SH3PXD2A: variants seen among roughly 807,000 people sequenced by gnomAD.
SH3PXD2A encodes SH3 and PX domains 2A, also known as SH3 and PX domain-containing protein 2A.
In SH3PXD2A, 32 loss-of-function variants were observed where a neutral mutation model predicts 115.2. The ratio of observed to expected loss-of-function variants is 0.28; its 90% CI spans 0.21 to 0.37. The LOEUF is 0.37. Ranked by LOEUF, SH3PXD2A falls within the 10% of genes least tolerant of loss-of-function variation. SH3PXD2A has a pLI of 1.00. For synonymous variants in SH3PXD2A, 610 were observed against 629.1 expected (o/e 0.97, Z 0.45); for missense variants, 1,328 against 1,498.7 (o/e 0.89, Z 1.88).
chr10:103,686,746 T>TTA (rs33981491), intron 6 of SH3PXD2A, among the ~76,000 whole-genome samples: 332 of 26,878 alleles, frequency 0.012, no homozygotes, highest in Non-Finnish European at 0.027. Context: ...TGCTGGGGAA[T>TTA]TTTTTTTTTT....
In SH3PXD2A at chr10:103,805,804, G is replaced by C. The variant is rs535561506; in HGVS notation, c.73-4442C>G. ...TTTGGGAAGCCAAGGCAGGAGGATC[G>C]CTTGAGCCCAGGAGTTTGAGACTGG... On this transcript the variant is annotated intron_variant, in intron 1 of 14. Coordinates refer to ENST00000369774, the MANE Select transcript of SH3PXD2A (RefSeq NM_001394015.1). Among the ~76,000 whole-genome samples the C allele has an allele frequency of 8.2e-4, 125 of 152,052 alleles. 1 individual carries two copies. Among genetic ancestry groups the C allele is most frequent in the African/African-American group, 3.0e-3 (124 of 41,490 alleles).
intron 5 of SH3PXD2A, among the ~76,000 whole-genome samples, chr10:103,719,361 T>TTGGCCC (rs1322671324): frequency 6.6e-6 from 1 of 152,252 alleles, no homozygotes; most frequent in Non-Finnish European, 1.5e-5. Context: ...GGCTTGGATC[T>TTGGCCC]TGGCCCTGCA....
chr10:103,834,018 C>A (rs926126692), intron 1 of SH3PXD2A, among the ~76,000 whole-genome samples: 14 of 152,212 alleles, frequency 9.2e-5, no homozygotes, highest in African/African-American at 2.9e-4. Context: ...ACCCCTCCCC[C>A]ACGTCTCTAA....
chr10:103,669,666 G>C (rs1335918270), intron 6 of SH3PXD2A, among the ~76,000 whole-genome samples: 1 of 152,226 alleles, frequency 6.6e-6, no homozygotes, highest in African/African-American at 2.4e-5. Flanking sequence ...GGCATCCCCA[G>C]GCTGCTGCTT....
rs1222059679 is a variant in SH3PXD2A, at chr10:103,597,397, G to A, written c.*4419C>T. ...AATATCAGGACACTGGGGTGAGAGA[G>A]GGCTGCTGGGAGTCATTTTTAGGCC... On this transcript the variant is annotated 3_prime_UTR_variant, in exon 15 of 15. Transcript: ENST00000369774. The A allele has an allele frequency of 6.6e-6, 1 of 152,272 alleles. No individual in the cohort carries two copies. The highest frequency in any genetic ancestry group is 1.5e-5 in the Non-Finnish European group (1 of 68,060). 9.4% of individuals were successfully genotyped at this position (152,272 alleles called of 1,614,324 possible).
At chr10:103,728,520 T>A (rs1039170816) in intron 4 of SH3PXD2A, among the ~76,000 whole-genome samples, 2 of 152,190 alleles carry the variant, frequency 1.3e-5, no homozygotes, top group Non-Finnish European at 2.9e-5. Context: ...TCTTCCAAGA[T>A]AAAATGGAAT....
intron 8 of SH3PXD2A, among the ~76,000 whole-genome samples, chr10:103,632,347 C>G (rs1261188542): frequency 6.6e-6 from 1 of 152,196 alleles, no homozygotes; most frequent in African/African-American, 2.4e-5. Context: ...TGAGCCACAT[C>G]CAGGGGTTCA....
chr10:103,698,002 G>GC (rs1318610412), intron 5 of SH3PXD2A, among the ~76,000 whole-genome samples: 4 of 152,238 alleles, frequency 2.6e-5, no homozygotes, highest in Middle Eastern at 3.4e-3. Flanking sequence ...TCAGTGGCTG[G>GC]CCCAGGCTCC....
intron 1 of SH3PXD2A, among the ~76,000 whole-genome samples, chr10:103,835,296 A>G (rs550617293): frequency 3.3e-5 from 5 of 152,340 alleles, no homozygotes; most frequent in Admixed American, 6.5e-5. Context: ...GTGAGCTCGC[A>G]GGGGTGGGAG....
intron 6 of SH3PXD2A, among the ~76,000 whole-genome samples, chr10:103,677,733 C>G (rs185542971): frequency 4.6e-4 from 70 of 152,286 alleles, no homozygotes; most frequent in Non-Finnish European, 7.1e-4. Flanking sequence ...ACCTTTAGTT[C>G]CTTCAAGGCC....
intron 2 of SH3PXD2A, among the ~76,000 whole-genome samples, chr10:103,794,218 G>A (rs907010832): frequency 6.6e-6 from 1 of 152,162 alleles, no homozygotes; most frequent in Non-Finnish European, 1.5e-5. Context: ...GATGAATAAG[G>A]AATAGAGAGA....
chr10:103,620,408 A>C lies in SH3PXD2A; in HGVS notation c.802+2062T>G, dbSNP rs1167214530. On this transcript the variant is annotated intron_variant, in intron 10 of 14. Coordinates refer to ENST00000369774, the MANE Select transcript of SH3PXD2A (RefSeq NM_001394015.1). The surrounding 1 kb of genome is among the most constrained non-coding windows in gnomAD (Gnocchi z 5.3). Reference sequence around the variant, plus strand: ...AAACCACAGAAGCCTCCTCTTCCCCAACACTTTCCCCTCTGTCAGCAGTCT... The same window carrying C: ...AAACCACAGAAGCCTCCTCTTCCCCCACACTTTCCCCTCTGTCAGCAGTCT... Among the ~76,000 whole-genome samples the C allele has an allele frequency of 1.3e-5, 2 of 152,066 alleles. No individual in the cohort carries two copies. Among genetic ancestry groups the C allele is most frequent in the Non-Finnish European group, 2.9e-5 (2 of 68,004 alleles).
At chr10:103,711,027 A>C (rs1386875046) in intron 5 of SH3PXD2A, among the ~76,000 whole-genome samples, 1 of 152,022 alleles carries the variant, frequency 6.6e-6, no homozygotes, top group Non-Finnish European at 1.5e-5. Context: ...AGAGACAGAG[A>C]CCTTGTCTCT....
At chr10:103,753,625 AG>A (rs1353563493) in intron 3 of SH3PXD2A, among the ~76,000 whole-genome samples, 1 of 152,048 alleles carries the variant, frequency 6.6e-6, no homozygotes, top group African/African-American at 2.4e-5. Context: ...CACCCCTTCT[AG>A]CCTGTGAGTC....
intron 5 of SH3PXD2A, among the ~76,000 whole-genome samples, chr10:103,702,585 C>CTGTGTGTGTGCGTGTGTGTGTGTG (rs1554913244): frequency 1.5e-4 from 5 of 33,002 alleles, no homozygotes; most frequent in Admixed American, 3.2e-4. Context: ...AGATGTAAGC[C>CTGTGTGTGTGCGTGTGTGTGTGTG]TGTGTGTGTG....
At chr10:103,797,758 G>C (rs2039106878) in intron 2 of SH3PXD2A, among the ~76,000 whole-genome samples, 1 of 152,020 alleles carries the variant, frequency 6.6e-6, no homozygotes, top group Non-Finnish European at 1.5e-5. Flanking sequence ...GGGAAGGGCT[G>C]TGCTGATGTG....
rs2037502811 is a variant in SH3PXD2A, at chr10:103,674,495, TG to T, written c.428-5844del. On this transcript the variant is annotated intron_variant, in intron 6 of 14. Transcript: ENST00000369774. The stretch of plus-strand genomic sequence containing the variant: ...GAATGTCATCTGGGAAAAACACGGA[TG>T]GCCAATTCGTAATTCTTTAAAAGTC... 4.6e-5 allele frequency among the ~76,000 whole-genome samples: 7 copies of T among 152,186 alleles called. No homozygotes were observed. In the South Asian group the frequency reaches 1.4e-3, roughly 32 times the overall value.
At chr10:103,842,747 T>G (rs901928698) in intron 1 of SH3PXD2A, among the ~76,000 whole-genome samples, 2 of 152,224 alleles carry the variant, frequency 1.3e-5, no homozygotes, top group Non-Finnish European at 2.9e-5. Flanking sequence ...TTGTTTATTG[T>G]TTCCTTTCCC....
chr10:103,655,443 C>G (rs17811904), intron 8 of SH3PXD2A, among the ~76,000 whole-genome samples: 4,725 of 152,216 alleles, frequency 0.031, 110 homozygotes, highest in Middle Eastern at 0.051. Flanking sequence ...AGCACAGAAT[C>G]TAAGCAAGAT....
Sources: allele counts gnomAD v4.1 joint callset (sites outside exome capture counted in the v4.1 genomes callset), GRCh38; gene constraint gnomAD v4.1.1; non-coding constraint Gnocchi (gnomAD v3.1); transcripts MANE v1.5; gene names NCBI Gene and HGNC (gene_info 2026-07-23, HGNC 2026-07-21).